Variants in NPAS3 observed in about 807,000 individuals in gnomAD.
NPAS3 encodes the protein neuronal PAS domain protein 3.
Under a neutral mutation model 73.1 loss-of-function variants are expected in NPAS3, and 14 were observed. That is an observed-to-expected ratio of 0.19 (90% CI 0.13 to 0.30). NPAS3 has a LOEUF of 0.30. Among genes scored for constraint, NPAS3 ranks in the 10% least tolerant of loss-of-function variants. The probability of loss-of-function intolerance (pLI) is 1.00; values close to 1 mark genes in which losing one functional copy is unlikely to be tolerated. For synonymous variants in NPAS3, 620 were observed against 541.5 expected (o/e 1.14, Z -2.01); for missense variants, 1,096 against 1,250.0 (o/e 0.88, Z 1.86).
chr14:33,265,914 ATATATT>A (rs1438493342), intron 3 of NPAS3, among the ~76,000 whole-genome samples: 8 of 151,818 alleles, frequency 5.3e-5, no homozygotes, highest in African/African-American at 1.7e-4. Context: ...TTTAGATAAT[ATATATT>A]TATATAAGAA....
intron 5 of NPAS3, among the ~76,000 whole-genome samples, chr14:33,672,481 A>G (rs2059638385): frequency 6.6e-6 from 1 of 152,186 alleles, no homozygotes; most frequent in Non-Finnish European, 1.5e-5. Flanking sequence ...CAGCAGGCAC[A>G]TGTTTTGGAA....
chr14:33,653,167 T>C (rs2059048280), intron 5 of NPAS3, among the ~76,000 whole-genome samples: 1 of 152,214 alleles, frequency 6.6e-6, no homozygotes, highest in African/African-American at 2.4e-5. Context: ...TTGCATATAA[T>C]TTTTTAACTA....
intron 6 of NPAS3, chr14:33,680,842 G>A (rs1473730057): frequency 1.8e-6 from 1 of 549,170 alleles, no homozygotes. Flanking sequence ...CTAACCCATT[G>A]GTTGTGTAAA....
At chr14:33,555,224 G>A (rs904599784) in intron 4 of NPAS3, among the ~76,000 whole-genome samples, 3 of 152,116 alleles carry the variant, frequency 2.0e-5, no homozygotes, top group African/African-American at 7.2e-5. Flanking sequence ...TTTCTTCTAA[G>A]ATTGCGTTTC....
chr14:33,072,183 G>T (rs564813808), intron 2 of NPAS3, among the ~76,000 whole-genome samples: 1 of 152,266 alleles, frequency 6.6e-6, no homozygotes, highest in East Asian at 1.9e-4. Flanking sequence ...GAGCCACTGC[G>T]CCTGGCCAGA....
intron 2 of NPAS3, among the ~76,000 whole-genome samples, chr14:33,061,376 A>G (rs2041093679): frequency 6.6e-6 from 1 of 152,214 alleles, no homozygotes; most frequent in South Asian, 2.1e-4. Context: ...GAAATATAAA[A>G]TGACCTTCAT....
intron 6 of NPAS3, among the ~76,000 whole-genome samples, chr14:33,711,700 G>T (rs959692777): frequency 3.3e-5 from 5 of 152,098 alleles, no homozygotes; most frequent in Non-Finnish European, 7.4e-5. Flanking sequence ...TCCCAGCTAG[G>T]GGGTGTGGAC....
At chr14:33,639,799 G>T (rs1319814368) in intron 5 of NPAS3, among the ~76,000 whole-genome samples, 8 of 152,204 alleles carry the variant, frequency 5.3e-5, no homozygotes, top group Non-Finnish European at 1.2e-4. Flanking sequence ...AAGTAAAAGT[G>T]TTATCTGACT....
At chr14:33,363,877 T>C (rs989053955) in intron 3 of NPAS3, among the ~76,000 whole-genome samples, 5 of 151,922 alleles carry the variant, frequency 3.3e-5, no homozygotes, top group Middle Eastern at 3.2e-3. Context: ...TAACAGAATC[T>C]TCACAGACAA....
chr14:32,937,233 T>G (rs1239202317), upstream of NPAS3, among the ~76,000 whole-genome samples: 1 of 152,150 alleles, frequency 6.6e-6, no homozygotes, highest in Non-Finnish European at 1.5e-5. Context: ...AAGGACAGAC[T>G]TAGTTTCCGC....
chr14:33,198,507 CAG>C (rs1336816402), intron 2 of NPAS3, among the ~76,000 whole-genome samples: 1 of 152,220 alleles, frequency 6.6e-6, no homozygotes, highest in Non-Finnish European at 1.5e-5. Flanking sequence ...TAACTAGACA[CAG>C]AGCACTGATT....
intron 5 of NPAS3, among the ~76,000 whole-genome samples, chr14:33,645,740 G>T (rs985497662): frequency 6.6e-5 from 10 of 152,142 alleles, no homozygotes; most frequent in African/African-American, 2.2e-4. Context: ...TTGCTGCCAT[G>T]GTCTTGTCAT....
intron 6 of NPAS3, among the ~76,000 whole-genome samples, chr14:33,730,203 G>T (rs560480193): frequency 9.9e-5 from 15 of 152,220 alleles, no homozygotes; most frequent in African/African-American, 3.6e-4. Flanking sequence ...TCTAGCAAAA[G>T]AGATTAAATG....
intron 4 of NPAS3, among the ~76,000 whole-genome samples, chr14:33,370,487 A>G (rs1024945219): frequency 1.3e-5 from 2 of 152,106 alleles, no homozygotes; most frequent in Non-Finnish European, 2.9e-5. Flanking sequence ...GAGATGAAGG[A>G]AGAGAGATTA....
chr14:33,510,396 G>C (rs1281735163), intron 4 of NPAS3, among the ~76,000 whole-genome samples: 1 of 152,028 alleles, frequency 6.6e-6, no homozygotes, highest in African/African-American at 2.4e-5. Flanking sequence ...AAGTTCAGTA[G>C]CCAAAAGTTC....
chr14:33,445,392 T>C (rs1267930376), intron 4 of NPAS3, among the ~76,000 whole-genome samples: 1 of 152,244 alleles, frequency 6.6e-6, no homozygotes, highest in African/African-American at 2.4e-5. Flanking sequence ...GCTATTCTCC[T>C]GTAGAATTTT....
intron 4 of NPAS3, among the ~76,000 whole-genome samples, chr14:33,444,464 G>C (rs1356748552): frequency 6.6e-6 from 1 of 152,202 alleles, no homozygotes; most frequent in Non-Finnish European, 1.5e-5. Context: ...AGAAGAGTTA[G>C]TTTGAGTCTG....
intron 3 of NPAS3, among the ~76,000 whole-genome samples, chr14:33,226,919 T>A (rs2047657969): frequency 6.6e-6 from 1 of 152,332 alleles, no homozygotes; most frequent in East Asian, 1.9e-4. Context: ...TTTATATAAA[T>A]ACTTTAAAAT....
exon 9 of NPAS3, chr14:33,778,512 A>G: frequency 6.2e-7 from 1 of 1,614,006 alleles, no homozygotes; most frequent in Non-Finnish European, 8.5e-7. Context: ...CGTAGGGAAG[A>G]GATGCTACCA....
Sources: allele counts gnomAD v4.1 joint callset (sites outside exome capture counted in the v4.1 genomes callset), GRCh38; gene constraint gnomAD v4.1.1; transcripts MANE v1.5; gene names NCBI Gene and HGNC (gene_info 2026-07-23, HGNC 2026-07-21).